Variants in POU5F1 observed in about 807,000 individuals in gnomAD.
The protein encoded by POU5F1 is POU domain, class 5, transcription factor 1.
A neutral mutation model predicts 38.3 loss-of-function variants in POU5F1; 6 were observed. That is an observed-to-expected ratio of 0.16 (90% CI 0.09 to 0.31). POU5F1 has a LOEUF of 0.31. POU5F1 is among the 10% of genes least tolerant of loss of function. POU5F1 has a pLI of 1.00. For missense variants in POU5F1, 286 were observed against 462.6 expected, an observed-to-expected ratio of 0.62 and a Z score of 3.50; for synonymous variants, 147 against 194.9, an observed-to-expected ratio of 0.75 and a Z score of 2.05.
At chr6:31,167,056 C>T (rs76465289) in intron 1 of POU5F1, 7,052 of 564,064 alleles carry the variant, frequency 0.013, 113 homozygotes, top group East Asian at 0.064. Context: ...TATAAGCCAG[C>T]GGCTATACAA....
At chr6:31,167,930 G>A (rs1431380297) in intron 1 of POU5F1, among the ~76,000 whole-genome samples, 4 of 138,428 alleles carry the variant, frequency 2.9e-5, no homozygotes. Context: ...TAGTCCAAGC[G>A]AAATGATCTC....
At chr6:31,169,588 C>T (rs56752756) in intron 1 of POU5F1, among the ~76,000 whole-genome samples, 4,333 of 151,924 alleles carry the variant, frequency 0.029, 137 homozygotes, top group East Asian at 0.088. Flanking sequence ...AGTGGCCAGT[C>T]ATTGGCCTGA....
intron 1 of POU5F1, chr6:31,166,848 A>G (rs72856737): frequency 0.073 from 90,553 of 1,243,300 alleles, 3,734 homozygotes; most frequent in Admixed American, 0.13. Flanking sequence ...GCTTGCTTTG[A>G]GGGTCCCACA....
chr6:31,170,410 C>G lies in POU5F1; in HGVS notation c.211G>C (p.Gly71Arg), dbSNP rs753248478. 1.9e-6 allele frequency: 3 copies of G among 1,612,596 alleles called. No homozygotes were observed. Among genetic ancestry groups the G allele is most frequent in the Non-Finnish European group, 2.5e-6 (3 of 1,179,828 alleles). Residue 71 changes from glycine (G) to arginine (R), a missense_variant, in exon 1 of 5, where the codon GGG (glycine) becomes CGG (arginine). Coordinates refer to ENST00000259915, the MANE Select transcript of POU5F1 (RefSeq NM_002701.6). ...PPCPPPYEFCGGMAYCGPQVG... is the reference protein window; with the variant it reads ...PPCPPPYEFCRGMAYCGPQVG... ...TGGGGCCCACAGTACGCCATCCCCC[C>G]ACAGAACTCATACGGCGGGGGGCAT... is the stretch of plus-strand genomic sequence containing the variant.
chr6:31,165,252 T>C lies in POU5F1; in HGVS notation c.692A>G (p.Lys231Arg), dbSNP rs1777135286. 2 of 1,611,462 alleles carry C rather than the reference T, an allele frequency of 1.2e-6. No homozygotes were observed. The highest frequency in any genetic ancestry group is 1.3e-5 in the African/African-American group (1 of 74,924). The change falls in exon 4 of 5, where the codon AAG (lysine) becomes AGG (arginine). Residue 231 changes from lysine to arginine, a missense_variant. Physicochemically the swap from Lys to Arg is conservative, Grantham distance 26. Transcript: ENST00000259915. The surrounding 1 kb of genome is among the most constrained non-coding windows in gnomAD (Gnocchi z 6.5). Reference protein sequence around the residue: ...CKAETLVQARKRKRTSIENRV... With the variant: ...CKAETLVQARRRKRTSIENRV... ...GTTCTCGATACTGGTTCGCTTTCTC[T>C]TTCGGGCCTGCACGAGGGTTTCTGC...
Position 31,170,372 on chromosome 6 carries a change from C to T in POU5F1, c.249G>A (p.Gly83=). Reference sequence around the variant, plus strand: ...TCTCCAAGCCGCCTTGGGGCACTAGCCCCACTCCAACCTGGGGCCCACAGT... The same window carrying T: ...TCTCCAAGCCGCCTTGGGGCACTAGTCCCACTCCAACCTGGGGCCCACAGT... ...MAYCGPQVGV[G]LVPQGGLETS... Residue 83 remains glycine, a synonymous_variant, in exon 1 of 5, where the codon GGG becomes GGA. Coordinates refer to ENST00000259915, the MANE Select transcript of POU5F1 (RefSeq NM_002701.6). The T allele has an allele frequency of 1.2e-6, 2 of 1,612,696 alleles. No individual in the cohort carries two copies. Among genetic ancestry groups the T allele is most frequent in the South Asian group, 1.1e-5 (1 of 91,068 alleles).
At position 31,170,318 on chromosome 6, in the gene POU5F1, G is replaced by A. The variant is rs753463537; in HGVS notation, c.303C>T (p.Val101=). Residue 101 remains valine, a synonymous_variant, in exon 1 of 5, where the codon GTC becomes GTT. Coordinates refer to ENST00000259915, the MANE Select transcript of POU5F1 (RefSeq NM_002701.6). The part of the protein sequence containing the change: ...ETSQPEGEAG[V]GVESNSDGAS... ...CCCCATCGGAGTTGCTCTCCACCCC[G>A]ACTCCTGCTTCGCCCTCAGGCTGAG... is the stretch of plus-strand genomic sequence containing the variant. 1.7e-5 allele frequency: 28 copies of A among 1,612,626 alleles called. No individual in the cohort carries two copies. The highest frequency in any genetic ancestry group is 3.3e-5 in the South Asian group (3 of 91,068).
chr6:31,168,555 T>C (rs2151111476), intron 1 of POU5F1, among the ~76,000 whole-genome samples: 1 of 152,200 alleles, frequency 6.6e-6, no homozygotes, highest in South Asian at 2.1e-4. Context: ...CCACAGACAG[T>C]AGGGAGGAAG....
intron 1 of POU5F1, among the ~76,000 whole-genome samples, chr6:31,169,578 A>T (rs1300954495): frequency 6.6e-6 from 1 of 151,964 alleles, no homozygotes; most frequent in Non-Finnish European, 1.5e-5. Context: ...ACCTTAACAC[A>T]GTGGCCAGTC....
intron 1 of POU5F1, among the ~76,000 whole-genome samples, chr6:31,168,962 A>G (rs1225345069): frequency 6.6e-6 from 1 of 152,204 alleles, no homozygotes; most frequent in East Asian, 1.9e-4. Context: ...AAGTGTTTCA[A>G]TGGTGCTTGA....
In POU5F1 at chr6:31,165,581, T is replaced by G. The variant is rs1777165573; in HGVS notation, c.647A>C (p.Asn216Thr). The change falls in exon 3 of 5, where the codon AAT becomes ACT. Residue 216 changes from asparagine to threonine, a missense_variant. Physicochemically the swap from Asn to Thr is moderately conservative, Grantham distance 65. Around this residue, in one of 2 missense-constraint regions of POU5F1, gnomAD observed 110 missense variants for 277.8 expected, o/e 0.40. Transcript: ENST00000259915. This position sits in a 1 kb window ranked among gnomAD's most constrained non-coding sequence, Gnocchi z 6.5. ...CCCTCCCACCCTTACCTCCTGAAGA[T>G]TTTCATTGTTGTCAGCTTCCTCCAC... ...KWVEEADNNE[N>T]LQEICKAETL... 2 of 1,613,856 alleles carry G rather than the reference T, an allele frequency of 1.2e-6. No individual in the cohort carries two copies. The highest frequency in any genetic ancestry group is 1.7e-5 in the Admixed American group (1 of 59,994).
intron 1 of POU5F1, among the ~76,000 whole-genome samples, chr6:31,167,455 C>CTTTGGGAGG (rs1777353107): frequency 6.6e-6 from 1 of 152,024 alleles, no homozygotes; most frequent in Non-Finnish European, 1.5e-5. Context: ...TGCCTGTAAT[C>CTTTGGGAGG]CCTTCACTTT....
chr6:31,170,413 A>G lies in POU5F1; in HGVS notation c.208T>C (p.Cys70Arg), dbSNP rs1561864932. The change falls in exon 1 of 5, where the codon TGT becomes CGT. Residue 70 changes from cysteine to arginine, a missense_variant. By Grantham distance (180) the Cys-to-Arg change is radical. Around this residue, in one of 2 missense-constraint regions of POU5F1, gnomAD observed 176 missense variants for 184.8 expected, o/e 0.95. Coordinates refer to ENST00000259915, the MANE Select transcript of POU5F1 (RefSeq NM_002701.6). Reference sequence around the variant, plus strand: ...GGCCCACAGTACGCCATCCCCCCACAGAACTCATACGGCGGGGGGCATGGG... The same window carrying G: ...GGCCCACAGTACGCCATCCCCCCACGGAACTCATACGGCGGGGGGCATGGG... Reference protein sequence around the residue: ...IPPCPPPYEFCGGMAYCGPQV... With the variant: ...IPPCPPPYEFRGGMAYCGPQV... 1 of 1,612,564 alleles carries G rather than the reference A, an allele frequency of 6.2e-7. No individual in the cohort carries two copies. Among genetic ancestry groups the G allele is most frequent in the Non-Finnish European group, 8.5e-7 (1 of 1,179,812 alleles).
At chr6:31,167,457 C>T (rs990049937) in intron 1 of POU5F1, among the ~76,000 whole-genome samples, 3 of 151,306 alleles carry the variant, frequency 2.0e-5, no homozygotes, top group Non-Finnish European at 2.9e-5. Flanking sequence ...CCTGTAATCC[C>T]TTCACTTTGG....
In POU5F1 at chr6:31,165,728, C is replaced by A; in HGVS notation, c.527-27G>T. ...TGGGGGAGGCCAGTCAAAAGAGAAGCAAAGTGAGGGAGCACGCAGGGCCCT... is the reference window on the plus strand; with the variant it reads ...TGGGGGAGGCCAGTCAAAAGAGAAGAAAAGTGAGGGAGCACGCAGGGCCCT... On this transcript the variant is annotated intron_variant, in intron 2 of 4. Coordinates refer to ENST00000259915, the MANE Select transcript of POU5F1 (RefSeq NM_002701.6). This position sits in a 1 kb window ranked among gnomAD's most constrained non-coding sequence, Gnocchi z 6.5. 6.3e-7 allele frequency: 1 copy of A among 1,599,254 alleles called. No homozygotes were observed. Among genetic ancestry groups the A allele is most frequent in the African/African-American group, 1.3e-5 (1 of 74,898 alleles).
At chr6:31,169,004 C>A (rs1561862732) in intron 1 of POU5F1, among the ~76,000 whole-genome samples, 1 of 152,152 alleles carries the variant, frequency 6.6e-6, no homozygotes, top group Non-Finnish European at 1.5e-5. Flanking sequence ...TGTTTTCATC[C>A]CCAACTTCTG....
At chr6:31,168,028 C>T (rs1475719531) in intron 1 of POU5F1, among the ~76,000 whole-genome samples, 3 of 152,120 alleles carry the variant, frequency 2.0e-5, no homozygotes, top group African/African-American at 4.8e-5. Flanking sequence ...CTGCAATCTC[C>T]GCCTTCTGGG....
chr6:31,165,847 C>G lies in POU5F1; in HGVS notation c.526+80G>C. The G allele has an allele frequency of 7.4e-7, 1 of 1,347,336 alleles. No homozygotes were observed. Among genetic ancestry groups the G allele is most frequent in the Non-Finnish European group, 1.0e-6 (1 of 968,534 alleles). 83.5% of individuals were successfully genotyped at this position (1,347,336 alleles called of 1,614,324 possible). A position where few individuals can be genotyped will look rare whatever the true frequency, so the allele number is the denominator to read the frequency against. On this transcript the variant is annotated intron_variant, in intron 2 of 4. Coordinates refer to ENST00000259915, the MANE Select transcript of POU5F1 (RefSeq NM_002701.6). This position sits in a 1 kb window ranked among gnomAD's most constrained non-coding sequence, Gnocchi z 6.5. ...ACTCCTCTTCATGGGTGAGGGTAGT[C>G]TGCCCCTGCCCCTCCCCACTAGGTT...
At chr6:31,166,264 A>T (rs1777238944) in intron 1 of POU5F1, 7 of 1,540,300 alleles carry the variant, frequency 4.5e-6, no homozygotes, top group Non-Finnish European at 6.1e-6. Flanking sequence ...GTAACAAAGG[A>T]CTACTCTTCC....
Sources: gnomAD v4.1 joint callset for allele counts (sites outside exome capture counted in the v4.1 genomes callset) on GRCh38, gnomAD v4.1.1 for gene constraint, gnomAD v4.1.1 regional missense constraint, Gnocchi (gnomAD v3.1) non-coding constraint, MANE v1.5 for transcripts, NCBI Gene and HGNC (gene_info 2026-07-23, HGNC 2026-07-21) for gene names.